TOM1L2: variants seen among roughly 807,000 people sequenced by gnomAD.
The protein encoded by TOM1L2 is target of myb1 like 2 membrane trafficking protein.
In TOM1L2, 31 loss-of-function variants were observed where a neutral mutation model predicts 67.9. That is an observed-to-expected ratio of 0.46 (90% CI 0.34 to 0.62). The LOEUF (loss-of-function observed/expected upper bound fraction) is 0.62. TOM1L2 is among the 20% of genes least tolerant of loss of function. TOM1L2 has a pLI of 0.01. For synonymous variants in TOM1L2, 256 were observed against 254.0 expected (o/e 1.01, Z -0.07); for missense variants, 606 against 663.5 (o/e 0.91, Z 0.95).
chr17:17,872,935 G>A (rs1188844001), intron 7 of TOM1L2, among the ~76,000 whole-genome samples: 3 of 152,208 alleles, frequency 2.0e-5, no homozygotes, highest in Admixed American at 6.5e-5. Context: ...TGCAAGTCAG[G>A]GGAGTGTGGC....
At chr17:17,949,511 G>A (rs1339241343) in intron 1 of TOM1L2, among the ~76,000 whole-genome samples, 1 of 152,208 alleles carries the variant, frequency 6.6e-6, no homozygotes, top group Non-Finnish European at 1.5e-5. Flanking sequence ...TGCCAGGGTG[G>A]GTATATGAAA....
chr17:17,891,400 G>A (rs553533021), intron 4 of TOM1L2, among the ~76,000 whole-genome samples: 2 of 152,200 alleles, frequency 1.3e-5, no homozygotes, highest in South Asian at 4.1e-4. Flanking sequence ...GTGTGGAGGG[G>A]TGATCCTGAT....
intron 1 of TOM1L2, among the ~76,000 whole-genome samples, chr17:17,963,091 TTACATACTCACTTGACCCCTGTAAGA>T (rs1396386616): frequency 6.6e-6 from 1 of 152,196 alleles, no homozygotes; most frequent in Admixed American, 6.5e-5. Context: ...CATTTTGCTT[TTACATACTCACTTGACCCCTGTAAGA>T]TGTGATGGTG....
intron 1 of TOM1L2, among the ~76,000 whole-genome samples, chr17:17,957,299 A>G (rs1482057268): frequency 6.6e-6 from 1 of 152,244 alleles, no homozygotes; most frequent in Non-Finnish European, 1.5e-5. Context: ...TCAAAATGGC[A>G]GGTAGAGAAA....
At chr17:17,904,465 G>T (rs968622900) in intron 2 of TOM1L2, among the ~76,000 whole-genome samples, 3 of 152,144 alleles carry the variant, frequency 2.0e-5, no homozygotes, top group African/African-American at 7.2e-5. Flanking sequence ...AAAATTCAAG[G>T]AGCTGAAAGA....
chr17:17,954,083 C>T (rs1343562830), intron 1 of TOM1L2, among the ~76,000 whole-genome samples: 1 of 152,224 alleles, frequency 6.6e-6, no homozygotes, highest in Non-Finnish European at 1.5e-5. Flanking sequence ...TCAGAGGCTT[C>T]TGGGCCAGCT....
At chr17:17,956,120 G>C (rs2041434851) in intron 1 of TOM1L2, among the ~76,000 whole-genome samples, 1 of 152,210 alleles carries the variant, frequency 6.6e-6, no homozygotes, top group South Asian at 2.1e-4. Flanking sequence ...AAGGACCCAA[G>C]TGGGTTACCA....
intron 14 of TOM1L2, among the ~76,000 whole-genome samples, 156 bp from the exon 15 acceptor site, chr17:17,847,939 G>A (rs1031036920): frequency 6.6e-6 from 1 of 152,106 alleles, no homozygotes; most frequent in Non-Finnish European, 1.5e-5. Context: ...CTGCAGTGTG[G>A]GGGGAGGCTC....
At chr17:17,920,313 A>G (rs1246690493) in intron 1 of TOM1L2, among the ~76,000 whole-genome samples, 1 of 146,862 alleles carries the variant, frequency 6.8e-6, no homozygotes. Context: ...TGCTCTTCTC[A>G]CCGTTTCCGC....
chr17:17,912,372 G>C (rs577923228), intron 1 of TOM1L2, among the ~76,000 whole-genome samples: 1 of 150,884 alleles, frequency 6.6e-6, no homozygotes, highest in African/African-American at 2.4e-5. Context: ...GGGCGGAGAG[G>C]CTCCTCACTT....
chr17:17,868,018 T>C (rs1229779966), intron 8 of TOM1L2, among the ~76,000 whole-genome samples: 2 of 152,214 alleles, frequency 1.3e-5, no homozygotes, highest in Admixed American at 6.5e-5. Flanking sequence ...TTATGTGTAA[T>C]GCTTGGACTG....
At chr17:17,942,432 G>A (rs2040771594) in intron 1 of TOM1L2, among the ~76,000 whole-genome samples, 1 of 151,880 alleles carries the variant, frequency 6.6e-6, no homozygotes, top group Non-Finnish European at 1.5e-5. Flanking sequence ...TGTAAAATGG[G>A]GATTAAAAAC....
At chr17:17,915,189 T>C (rs1267077246) in intron 1 of TOM1L2, among the ~76,000 whole-genome samples, 1 of 152,222 alleles carries the variant, frequency 6.6e-6, no homozygotes, top group Non-Finnish European at 1.5e-5. Flanking sequence ...GTGGTGATGG[T>C]ATCCTTTCAT....
At chr17:17,946,519 C>T (rs2040958729) in intron 1 of TOM1L2, among the ~76,000 whole-genome samples, 1 of 152,106 alleles carries the variant, frequency 6.6e-6, no homozygotes, top group Admixed American at 6.5e-5. Flanking sequence ...TTACCCAATT[C>T]TATTTTTTAT....
chr17:17,875,048 C>T (rs765145771), intron 7 of TOM1L2, among the ~76,000 whole-genome samples: 9 of 151,992 alleles, frequency 5.9e-5, no homozygotes, highest in Non-Finnish European at 1.3e-4. Context: ...CTTGAGGTCA[C>T]GAGTTCAAGA....
At chr17:17,863,891 G>A (rs1203870735) in intron 10 of TOM1L2, among the ~76,000 whole-genome samples, 1 of 151,922 alleles carries the variant, frequency 6.6e-6, no homozygotes, top group Non-Finnish European at 1.5e-5. Flanking sequence ...TTTGAGACAG[G>A]GTCTCACTCT....
At chr17:17,887,047 G>A (rs961791462) in intron 4 of TOM1L2, among the ~76,000 whole-genome samples, 5 of 152,242 alleles carry the variant, frequency 3.3e-5, no homozygotes, top group Admixed American at 3.3e-4. Context: ...AGGCGTACAG[G>A]AGAGGATTTG....
At chr17:17,891,791 G>GTGTA (rs1555597456) in intron 4 of TOM1L2, among the ~76,000 whole-genome samples, 1 of 150,870 alleles carries the variant, frequency 6.6e-6, no homozygotes, top group Non-Finnish European at 1.5e-5. Flanking sequence ...ACACGTGTGT[G>GTGTA]TGTGTGTGTG....
chr17:17,861,344 TG>T, intron 12 of TOM1L2, 131 bp downstream of exon 12: 1 of 753,548 alleles, frequency 1.3e-6, no homozygotes, highest in Non-Finnish European at 2.2e-6. Context: ...GTGTCCCCCG[TG>T]GGTCTCTCCC....
Sources: allele counts gnomAD v4.1 joint callset (sites outside exome capture counted in the v4.1 genomes callset), GRCh38; gene constraint gnomAD v4.1.1; transcripts MANE v1.5; gene names NCBI Gene and HGNC (gene_info 2026-07-23, HGNC 2026-07-21).